The following SUGCT variants were observed in gnomAD, a reference collection of about 807,000 sequenced individuals.
SUGCT encodes the protein succinyl-CoA:glutarate CoA-transferase.
SUGCT carries 41 observed loss-of-function variants against 55.0 expected under a neutral mutation model. That is an observed-to-expected ratio of 0.74 (90% confidence interval 0.58 to 0.97). The LOEUF (loss-of-function observed/expected upper bound fraction) is 0.97, where lower values mean the gene tolerates loss of function less well. SUGCT is among the 50% of genes least tolerant of loss of function. SUGCT has a pLI of 0.00. For missense variants in SUGCT, 568 were observed against 547.8 expected (o/e 1.04, Z -0.37); for synonymous variants, 187 against 200.4 (o/e 0.93, Z 0.56).
intron 10 of SUGCT, among the ~76,000 whole-genome samples, chr7:40,454,001 G>C (rs190607391): frequency 2.6e-5 from 4 of 152,172 alleles, no homozygotes; most frequent in African/African-American, 9.6e-5. Context: ...AAACTTAAAA[G>C]TATAATAACC....
intron 9 of SUGCT, among the ~76,000 whole-genome samples, chr7:40,402,986 G>A (rs902388200): frequency 2.0e-5 from 3 of 152,192 alleles, no homozygotes; most frequent in African/African-American, 7.2e-5. Context: ...CAATAGGTTA[G>A]AGGCAGCCCA....
At chr7:40,718,745 A>G (rs893374255) in intron 12 of SUGCT, among the ~76,000 whole-genome samples, 1 of 152,200 alleles carries the variant, frequency 6.6e-6, no homozygotes, top group African/African-American at 2.4e-5. Flanking sequence ...AGCACTTTTA[A>G]TATTTTAAAT....
chr7:40,495,142 C>T (rs1562816837), intron 11 of SUGCT, among the ~76,000 whole-genome samples: 1 of 151,602 alleles, frequency 6.6e-6, no homozygotes, highest in African/African-American at 2.4e-5. Flanking sequence ...GAACTCCTGA[C>T]CTCAGGTGAT....
intron 13 of SUGCT, among the ~76,000 whole-genome samples, chr7:40,856,201 A>T (rs1240093514): frequency 1.3e-5 from 2 of 152,180 alleles, no homozygotes; most frequent in Admixed American, 6.5e-5. Flanking sequence ...TGGGCTGTAA[A>T]TTTGTTGGAA....
In SUGCT at chr7:40,518,396, A is replaced by C. The variant is rs75234220; in HGVS notation, c.1089+22010A>C. The stretch of plus-strand genomic sequence containing the variant: ...TTTTATCTGTATACTAGGTTTGAAC[A>C]CATAAGCAAATATATTTTAGATAAT... On this transcript the variant is annotated intron_variant, in intron 12 of 13. Transcript: ENST00000335693. 2.6e-5 allele frequency among the ~76,000 whole-genome samples: 4 copies of C among 152,098 alleles called. No individual in the cohort carries two copies. In the East Asian group the frequency reaches 7.7e-4, roughly 29 times the overall value.
chr7:41,008,326 G>A, the SUGCT span, among the ~76,000 whole-genome samples: 1 of 152,168 alleles, frequency 6.6e-6, no homozygotes, highest in African/African-American at 2.4e-5. Flanking sequence ...ATCAGCCCTG[G>A]GAGGGCATCT....
chr7:40,245,301 C>T (rs1246226803), intron 7 of SUGCT, among the ~76,000 whole-genome samples: 4 of 148,082 alleles, frequency 2.7e-5, no homozygotes, highest in African/African-American at 5.0e-5. Flanking sequence ...TCAAGTGATC[C>T]GCCTGCTTTG....
intron 12 of SUGCT, among the ~76,000 whole-genome samples, chr7:40,595,590 T>C (rs987018867): frequency 6.6e-6 from 1 of 152,010 alleles, no homozygotes; most frequent in Non-Finnish European, 1.5e-5. Context: ...TGTATCTCAA[T>C]GGCTACTAAA....
rs58480323 is a variant in SUGCT at position 40,272,141 on chromosome 7, CATATAT to C, written c.577-2324_577-2319del. Among the ~76,000 whole-genome samples, 265 of 46,630 alleles carry C rather than the reference CATATAT, an allele frequency of 5.7e-3. 3 individuals are homozygous for C. The highest frequency in any genetic ancestry group is 8.6e-3 in the Non-Finnish European group (186 of 21,618). The allele number at this position is 46,630 out of a possible 152,430, so 30.6% of individuals were successfully genotyped here. A position where few individuals can be genotyped will look rare whatever the true frequency, so the allele number is the denominator to read the frequency against. Reference sequence around the variant, plus strand: ...TGTTTCAAAAACAACTGCAATGTGACATATATATATATATATATATATATATATATA... The same window carrying C: ...TGTTTCAAAAACAACTGCAATGTGACATATATATATATATATATATATATA... On this transcript the variant is annotated intron_variant, in intron 7 of 13. Coordinates refer to ENST00000335693, the MANE Select transcript of SUGCT (RefSeq NM_001193313.2).
At position 40,844,058 on chromosome 7, in the gene SUGCT, G is replaced by A. The variant is rs148493385; in HGVS notation, c.1154-16258G>A. 2.0e-4 allele frequency among the ~76,000 whole-genome samples: 30 copies of A among 152,252 alleles called. No homozygotes were observed. In the East Asian group the frequency reaches 5.6e-3, roughly 29 times the overall value. ...GGCAAATCAACACTGGAACCAGCCA[G>A]TTGCTCCTCTCTGGTGGGAGCAGGC... On this transcript the variant is annotated intron_variant, in intron 13 of 13. Transcript: ENST00000335693.
chr7:40,448,156 T>C (rs575466310), intron 9 of SUGCT, among the ~76,000 whole-genome samples: 24 of 151,962 alleles, frequency 1.6e-4, no homozygotes, highest in Middle Eastern at 6.8e-3. Flanking sequence ...AAGATTACAT[T>C]TGAGTTCTTG....
chr7:40,624,787 ACACACACACACACACACACACACACG>A (rs1172174161), intron 12 of SUGCT, among the ~76,000 whole-genome samples: 2 of 144,274 alleles, frequency 1.4e-5, no homozygotes, highest in African/African-American at 2.7e-5. Context: ...ACACACACAC[ACACACACACACACACACACACACACG>A]CACACCACAA....
At chr7:40,258,770 A>G (rs1321534404) in intron 7 of SUGCT, among the ~76,000 whole-genome samples, 2 of 152,224 alleles carry the variant, frequency 1.3e-5, no homozygotes, top group Non-Finnish European at 2.9e-5. Flanking sequence ...GGAAAGCAGT[A>G]TGGAGGTTCT....
At chr7:40,359,540 C>T (rs540891252) in intron 9 of SUGCT, among the ~76,000 whole-genome samples, 15 of 152,166 alleles carry the variant, frequency 9.9e-5, no homozygotes, top group African/African-American at 2.9e-4. Flanking sequence ...CTGGACCTGA[C>T]GTGGCAATAT....
At chr7:40,906,638 A>G in the SUGCT span, among the ~76,000 whole-genome samples, 83 of 152,308 alleles carry the variant, frequency 5.4e-4, no homozygotes, top group Non-Finnish European at 2.9e-5. Flanking sequence ...TCTAGAGGTG[A>G]TTTAAAATAT....
At chr7:40,887,716 G>C in the SUGCT span, among the ~76,000 whole-genome samples, 1 of 152,190 alleles carries the variant, frequency 6.6e-6, no homozygotes, top group Non-Finnish European at 1.5e-5. Context: ...GGACTAGAGA[G>C]ACAAAGGTGG....
rs1165092129 is a variant in SUGCT, at chr7:40,384,707, C to CT, written c.817-64571dup. Among the ~76,000 whole-genome samples the CT allele has an allele frequency of 1.7e-4, 26 of 151,136 alleles. 1 individual carries two copies. The highest frequency in any genetic ancestry group is 9.9e-4 in the Admixed American group (15 of 15,132). On this transcript the variant is annotated intron_variant, in intron 9 of 13. Coordinates refer to ENST00000335693, the MANE Select transcript of SUGCT (RefSeq NM_001193313.2). ...TACAGGTGCCTGCTACCACGCCTGG[C>CT]TTTTTTTTTGTATTTTTGGTAGAGA...
chr7:40,993,302 G>A, the SUGCT span, among the ~76,000 whole-genome samples: 1 of 152,194 alleles, frequency 6.6e-6, no homozygotes, highest in East Asian at 1.9e-4. Flanking sequence ...AGTGTTCTGT[G>A]CACTGTGTTT....
intron 12 of SUGCT, among the ~76,000 whole-genome samples, chr7:40,645,977 G>A (rs1393857373): frequency 6.6e-6 from 1 of 152,122 alleles, no homozygotes; most frequent in Middle Eastern, 3.2e-3. Context: ...GGATGTGCAG[G>A]TATTTCAGTT....
Sources: allele counts gnomAD v4.1 joint callset (sites outside exome capture counted in the v4.1 genomes callset), GRCh38; gene constraint gnomAD v4.1.1; transcripts MANE v1.5; gene names NCBI Gene and HGNC (gene_info 2026-07-23, HGNC 2026-07-21).